GARNL3: variants seen among roughly 807,000 people sequenced by gnomAD.
GARNL3 encodes the protein GTPase-activating Rap/Ran-GAP domain-like protein 3.
Under a neutral mutation model 125.0 loss-of-function variants are expected in GARNL3, and 63 were observed. The observed-to-expected ratio is 0.50, with a 90% confidence interval of 0.41 to 0.62. The LOEUF is 0.62. Ranked by LOEUF, GARNL3 falls within the 20% of genes least tolerant of loss-of-function variation. The probability of loss-of-function intolerance (pLI) is 0.00; values close to 1 mark genes in which losing one functional copy is unlikely to be tolerated. For synonymous variants in GARNL3, 439 were observed against 457.5 expected (o/e 0.96, Z 0.52); for missense variants, 994 against 1,244.0 (o/e 0.80, Z 3.02).
intron 1 of GARNL3, among the ~76,000 whole-genome samples, chr9:127,235,119 G>A (rs2063087358): frequency 6.6e-6 from 1 of 151,714 alleles, no homozygotes. Context: ...CGATAGCCAG[G>A]GTACAGAATT....
At chr9:127,325,482 A>C (rs1281514641) in intron 7 of GARNL3, among the ~76,000 whole-genome samples, 1 of 152,192 alleles carries the variant, frequency 6.6e-6, no homozygotes, top group East Asian at 1.9e-4. Context: ...CCCCATTAAA[A>C]ATATAAATAT....
Position 127,311,750 on chromosome 9 carries a change from G to A in GARNL3, c.319+15G>A. ...TTTAGGACAAGGTAATTATGCTATT[G>A]TGGTGGTAGGGAAGAAAGGGTATTC... On this transcript the variant is annotated intron_variant, in intron 3 of 27. Coordinates refer to ENST00000373387, the MANE Select transcript of GARNL3 (RefSeq NM_032293.5). The A allele has an allele frequency of 6.6e-7, 1 of 1,520,604 alleles. No homozygotes were observed. Among genetic ancestry groups the A allele is most frequent in the East Asian group, 2.3e-5 (1 of 44,412 alleles). The allele number at this position is 1,520,604 out of a possible 1,614,324, so 94.2% of individuals were successfully genotyped here. A position where few individuals can be genotyped will look rare whatever the true frequency, so the allele number is the denominator to read the frequency against.
chr9:127,316,123 A>C (rs2065234263), intron 4 of GARNL3, among the ~76,000 whole-genome samples: 1 of 152,170 alleles, frequency 6.6e-6, no homozygotes, highest in Non-Finnish European at 1.5e-5. Flanking sequence ...CAAATCCACA[A>C]TCCCAGGAGC....
chr9:127,319,806 GA>G (rs2065346389), intron 5 of GARNL3, among the ~76,000 whole-genome samples: 1 of 152,076 alleles, frequency 6.6e-6, no homozygotes, highest in Admixed American at 6.5e-5. Flanking sequence ...TCTTCTTTAA[GA>G]ACGTTTAAAA....
intron 22 of GARNL3, among the ~76,000 whole-genome samples, chr9:127,382,207 G>T (rs1487952312): frequency 6.6e-6 from 1 of 152,056 alleles, no homozygotes; most frequent in African/African-American, 2.4e-5. Flanking sequence ...GGCTGAGGCA[G>T]GAGAATCGCT....
At chr9:127,274,447 G>A (rs16929732) in intron 1 of GARNL3, among the ~76,000 whole-genome samples, 1 of 152,126 alleles carries the variant, frequency 6.6e-6, no homozygotes, top group Non-Finnish European at 1.5e-5. Context: ...ATGCTCTCTA[G>A]TTTCAAAACC....
chr9:127,376,831 C>G (rs1350329800), intron 22 of GARNL3, among the ~76,000 whole-genome samples: 2 of 152,166 alleles, frequency 1.3e-5, no homozygotes, highest in African/African-American at 2.4e-5. Flanking sequence ...TAAAAACTAG[C>G]CTCCACAAAA....
At chr9:127,252,664 T>A (rs1032598919) in intron 2 of GARNL3, among the ~76,000 whole-genome samples, 2 of 152,264 alleles carry the variant, frequency 1.3e-5, no homozygotes, top group Non-Finnish European at 2.9e-5. Flanking sequence ...ATAATTTCTC[T>A]ACACATGTAG....
chr9:127,244,537 G>C (rs776977134), intron 2 of GARNL3, among the ~76,000 whole-genome samples: 4 of 152,140 alleles, frequency 2.6e-5, no homozygotes, highest in African/African-American at 9.7e-5. Flanking sequence ...ATAAGAACTC[G>C]TATTTTTACA....
chr9:127,390,728 G>T lies in GARNL3; in HGVS notation c.2831G>T (p.Gly944Val), dbSNP rs752484595. 19 of 1,613,860 alleles carry T rather than the reference G, an allele frequency of 1.2e-5. 1 individual carries two copies. In the South Asian group the frequency reaches 1.9e-4, roughly 16 times the overall value. Reference sequence around the variant, plus strand: ...AAGCGGTTAGAAGAAAGCCAAGGAGGCCCCAAGCCAGGGGCAGTGAGGTCA... The same window carrying T: ...AAGCGGTTAGAAGAAAGCCAAGGAGTCCCCAAGCCAGGGGCAGTGAGGTCA... ...PRKRLEESQGGPKPGAVRSSS... is the reference protein window; with the variant it reads ...PRKRLEESQGVPKPGAVRSSS... The change falls in exon 27 of 28, where the codon GGC becomes GTC. Residue 944 changes from glycine (G) to valine (V), a missense_variant. Gly to Val is a moderately radical substitution (Grantham distance 109). This residue lies in a region of GARNL3 where 728 missense variants were observed against 865.7 expected (regional missense o/e 0.84). Coordinates refer to ENST00000373387, the MANE Select transcript of GARNL3 (RefSeq NM_032293.5).
At chr9:127,291,311 G>T in intron 2 of GARNL3, 69 bp downstream of exon 2, 2 of 1,366,128 alleles carry the variant, frequency 1.5e-6, no homozygotes, top group Non-Finnish European at 2.1e-6. Context: ...ATATAGCAGT[G>T]AAAGAGTTCT....
rs765337233 is a variant in GARNL3, at chr9:127,385,187, C to T, written c.2388+42C>T. On this transcript the variant is annotated intron_variant, in intron 24 of 27. Transcript: ENST00000373387. This position sits in a 1 kb window ranked among gnomAD's most constrained non-coding sequence, Gnocchi z 4.1. Reference sequence around the variant, plus strand: ...TTTTATCTCTGAGTGGTTTGGGGGACCCCGGCACTGTGGGATTTCAGGTGA... The same window carrying T: ...TTTTATCTCTGAGTGGTTTGGGGGATCCCGGCACTGTGGGATTTCAGGTGA... The T allele has an allele frequency of 1.3e-5, 16 of 1,271,836 alleles. No homozygotes were observed. Among genetic ancestry groups the T allele is most frequent in the Non-Finnish European group, 1.4e-5 (13 of 902,754 alleles). 78.8% of individuals were successfully genotyped at this position (1,271,836 alleles called of 1,614,324 possible).
At chr9:127,231,039 T>TATAC (rs2062996467) in intron 1 of GARNL3, among the ~76,000 whole-genome samples, 4 of 46,436 alleles carry the variant, frequency 8.6e-5, no homozygotes, top group African/African-American at 2.5e-4. Flanking sequence ...TATATACATA[T>TATAC]ATATATATAT....
At chr9:127,313,753 T>C (rs1233399794) in intron 4 of GARNL3, among the ~76,000 whole-genome samples, 194 bp downstream of exon 4, 2 of 150,948 alleles carry the variant, frequency 1.3e-5, no homozygotes, top group East Asian at 1.9e-4. Flanking sequence ...TTCTGGCCTT[T>C]TGAAAAAAAA....
chr9:127,271,627 G>C (rs2063826665), intron 1 of GARNL3, among the ~76,000 whole-genome samples: 1 of 150,342 alleles, frequency 6.7e-6, no homozygotes, highest in African/African-American at 2.5e-5. Context: ...GTTGAAATCT[G>C]TCAGAAAAAG....
At chr9:127,317,748 C>A (rs886753433) in intron 4 of GARNL3, among the ~76,000 whole-genome samples, 10 of 152,006 alleles carry the variant, frequency 6.6e-5, no homozygotes, top group Non-Finnish European at 1.0e-4. Context: ...ACAACAACAA[C>A]AACAACGAAA....
At chr9:127,275,659 A>T (rs190506392) in intron 1 of GARNL3, among the ~76,000 whole-genome samples, 1 of 152,222 alleles carries the variant, frequency 6.6e-6, no homozygotes. Flanking sequence ...TTAGGGAGTC[A>T]TGCAAAAAAA....
chr9:127,337,044 G>C (rs1829592145), intron 11 of GARNL3, among the ~76,000 whole-genome samples: 1 of 152,226 alleles, frequency 6.6e-6, no homozygotes, highest in East Asian at 1.9e-4. Context: ...ACTTGGACTT[G>C]TTCCTTGTGA....
chr9:127,321,180 C>T (rs564053298), intron 6 of GARNL3, among the ~76,000 whole-genome samples: 2 of 152,212 alleles, frequency 1.3e-5, no homozygotes, highest in Admixed American at 1.3e-4. Context: ...GTGGCCCAGG[C>T]TAGAGTGCAA....
Sources: gnomAD v4.1 joint callset for allele counts (sites outside exome capture counted in the v4.1 genomes callset) on GRCh38, gnomAD v4.1.1 for gene constraint, gnomAD v4.1.1 regional missense constraint, Gnocchi (gnomAD v3.1) non-coding constraint, MANE v1.5 for transcripts, NCBI Gene and HGNC (gene_info 2026-07-23, HGNC 2026-07-21) for gene names.